Variants in YTHDF2 observed in about 807,000 individuals in gnomAD.
The protein encoded by YTHDF2 is YTH N6-methyladenosine RNA binding protein F2.
In YTHDF2, 2 loss-of-function variants were observed where a neutral mutation model predicts 50.4. The ratio of observed to expected loss-of-function variants is 0.04; its 90% confidence interval spans 0.02 to 0.12. The LOEUF (loss-of-function observed/expected upper bound fraction) is 0.12. YTHDF2 is among the 10% of genes least tolerant of loss of function. The probability of loss-of-function intolerance (pLI) is 1.00; values close to 1 mark genes in which losing one functional copy is unlikely to be tolerated. For missense variants in YTHDF2, 483 were observed against 722.6 expected (o/e 0.67, Z 3.80); for synonymous variants, 217 against 255.6 (o/e 0.85, Z 1.44).
chr1:28,755,587 A>T (rs1245016847), intron 4 of YTHDF2, among the ~76,000 whole-genome samples: 2 of 152,198 alleles, frequency 1.3e-5, no homozygotes, highest in African/African-American at 2.4e-5. Context: ...AGCCAACACG[A>T]GTGAGAGAAA....
chr1:28,738,653 G>A (rs1231522921), intron 3 of YTHDF2, among the ~76,000 whole-genome samples: 2 of 152,050 alleles, frequency 1.3e-5, no homozygotes, highest in Non-Finnish European at 2.9e-5. Context: ...CATGTTGGCC[G>A]GGCTGGTCTT....
intron 4 of YTHDF2, among the ~76,000 whole-genome samples, chr1:28,764,941 CA>C (rs1413991019): frequency 6.6e-5 from 10 of 152,110 alleles, no homozygotes; most frequent in African/African-American, 2.4e-4. Flanking sequence ...CAGCTGTGAT[CA>C]TAGTTCATTA....
intron 4 of YTHDF2, among the ~76,000 whole-genome samples, chr1:28,753,181 G>A (rs867419012): frequency 2.0e-5 from 3 of 151,390 alleles, no homozygotes; most frequent in Non-Finnish European, 4.4e-5. Flanking sequence ...CTCTAACCCC[G>A]AAGCTCATGG....
chr1:28,738,831 G>A (rs956465850), intron 3 of YTHDF2, among the ~76,000 whole-genome samples: 5 of 152,142 alleles, frequency 3.3e-5, no homozygotes, highest in African/African-American at 9.7e-5. Flanking sequence ...ACCTATTAAT[G>A]TATTATAAAA....
rs1261377171 is a variant in YTHDF2, at chr1:28,737,087, C to T, written c.-34C>T. Reference sequence around the variant, plus strand: ...CGCCGCCGCCGCGCTGAGGAGAGTTCGCCGCCGTCGCCGCCCGTGAGGATC... The same window carrying T: ...CGCCGCCGCCGCGCTGAGGAGAGTTTGCCGCCGTCGCCGCCCGTGAGGATC... On this transcript the variant is annotated 5_prime_UTR_variant, in exon 1 of 5. Transcript: ENST00000373812. 3 of 1,583,768 alleles carry T rather than the reference C, an allele frequency of 1.9e-6. No individual in the cohort carries two copies. Among genetic ancestry groups the T allele is most frequent in the Non-Finnish European group, 1.7e-6 (2 of 1,167,062 alleles).
At chr1:28,768,790 A>G (rs574432121) in intron 4 of YTHDF2, 139 bp from the exon 5 acceptor site, 1 of 603,338 alleles carries the variant, frequency 1.7e-6, no homozygotes, top group East Asian at 3.2e-5. Context: ...CTTTGTGGGG[A>G]ATGTTCTACT....
chr1:28,752,296 T>TTTGTTG (rs56879000), intron 4 of YTHDF2, among the ~76,000 whole-genome samples: 29 of 151,408 alleles, frequency 1.9e-4, no homozygotes, highest in African/African-American at 4.1e-4. Context: ...CTGTGGTGTT[T>TTTGTTG]TTGTTGTTGT....
At chr1:28,767,927 G>T (rs918149575) in intron 4 of YTHDF2, among the ~76,000 whole-genome samples, 1 of 151,406 alleles carries the variant, frequency 6.6e-6, no homozygotes, top group African/African-American at 2.4e-5. Context: ...CTGAGGCCGG[G>T]CGCGGTGGCT....
chr1:28,766,529 C>CT (rs1402523668), intron 4 of YTHDF2, among the ~76,000 whole-genome samples: 1 of 152,110 alleles, frequency 6.6e-6, no homozygotes, highest in African/African-American at 2.4e-5. Context: ...TATGCCATTA[C>CT]TGATAATGTT....
At chr1:28,750,274 C>T (rs1253930657) in intron 4 of YTHDF2, among the ~76,000 whole-genome samples, 3 of 152,086 alleles carry the variant, frequency 2.0e-5, no homozygotes, top group Non-Finnish European at 4.4e-5. Flanking sequence ...CAGGCATGAG[C>T]CACCATGCCC....
chr1:28,747,490 G>A (rs1201196979), intron 4 of YTHDF2, among the ~76,000 whole-genome samples: 3 of 147,476 alleles, frequency 2.0e-5, no homozygotes, highest in African/African-American at 7.5e-5. Flanking sequence ...TTGAGCCATT[G>A]CAATCCAGCC....
rs1473905671 is a variant in YTHDF2, at chr1:28,738,288, G to A, written c.82G>A (p.Gly28Arg). Residue 28 changes from glycine (G) to arginine (R), a missense_variant, in exon 3 of 5, where the codon GGA becomes AGA. This residue lies in a region of YTHDF2 where 385 missense variants were observed against 475.8 expected (regional missense o/e 0.81). Transcript: ENST00000373812. ...VQNGSVHQKD[G>R]LNDDDFEPYL... ...AAATGGATCTGTACATCAAAAGGAT[G>A]GATTAAACGATGATGATTTTGAACC... 4 of 1,613,956 alleles carry A rather than the reference G, an allele frequency of 2.5e-6. No individual in the cohort carries two copies. In the African/African-American group the frequency reaches 4.0e-5, roughly 16 times the overall value.
At chr1:28,752,179 G>T (rs1298847288) in intron 4 of YTHDF2, among the ~76,000 whole-genome samples, 1 of 152,142 alleles carries the variant, frequency 6.6e-6, no homozygotes. Context: ...AATTACCATC[G>T]TATTAGGTAA....
chr1:28,758,639 C>T (rs2088068931), intron 4 of YTHDF2, among the ~76,000 whole-genome samples: 1 of 152,182 alleles, frequency 6.6e-6, no homozygotes. Flanking sequence ...GGATAATGCA[C>T]AGCGACAGGT....
chr1:28,761,129 G>A (rs34055072), intron 4 of YTHDF2, among the ~76,000 whole-genome samples: 748 of 35,296 alleles, frequency 0.021, 27 homozygotes, highest in African/African-American at 0.11. Context: ...GTGTGTGTGT[G>A]TATTTTTTTT....
chr1:28,763,200 A>G (rs758773169), intron 4 of YTHDF2, among the ~76,000 whole-genome samples: 12 of 152,202 alleles, frequency 7.9e-5, no homozygotes, highest in Non-Finnish European at 1.5e-4. Context: ...AGATGTCGAC[A>G]TTATTTCTAG....
chr1:28,739,431 T>G (rs1219856425), intron 3 of YTHDF2, among the ~76,000 whole-genome samples: 1 of 151,412 alleles, frequency 6.6e-6, no homozygotes, highest in Non-Finnish European at 1.5e-5. Flanking sequence ...CGCCTCAGCC[T>G]CCCAAGTAGC....
At chr1:28,737,264 C>T (rs1228963668) in intron 1 of YTHDF2, 117 bp downstream of exon 1, 2 of 1,379,482 alleles carry the variant, frequency 1.4e-6, no homozygotes, top group African/African-American at 3.1e-5. Context: ...CTCTTGCGGG[C>T]CAGGTTTCGG....
Position 28,737,371 on chromosome 1 carries a change from C to T in YTHDF2, c.27+224C>T, listed in dbSNP as rs1416764984. ...CCCACGGGCCGGGCCGCGCCGCGTT[C>T]CCTTCTCTCGGCGGGCCTCGTTTTC... On this transcript the variant is annotated intron_variant, in intron 1 of 4. Transcript: ENST00000373812. 4.7e-6 allele frequency: 3 copies of T among 638,742 alleles called. No homozygotes were observed. The South Asian group carries it at 6.5e-5, about 14-fold the overall frequency. 39.6% of individuals were successfully genotyped at this position (638,742 alleles called of 1,614,324 possible).
Sources: allele counts gnomAD v4.1 joint callset (sites outside exome capture counted in the v4.1 genomes callset), GRCh38; gene constraint gnomAD v4.1.1; regional missense constraint gnomAD v4.1.1; transcripts MANE v1.5; gene names NCBI Gene and HGNC (gene_info 2026-07-23, HGNC 2026-07-21).